The following LRRC1 variants were observed in gnomAD, a reference collection of about 807,000 sequenced individuals.
The protein encoded by LRRC1 is leucine-rich repeat-containing protein 1.
In LRRC1, 28 loss-of-function variants were observed where a neutral mutation model predicts 69.9. The observed-to-expected ratio is 0.40, with a 90% confidence interval of 0.30 to 0.55. The LOEUF (loss-of-function observed/expected upper bound fraction) is 0.55. Ranked by LOEUF, LRRC1 falls within the 20% of genes least tolerant of loss-of-function variation. The pLI is 0.47. For missense variants in LRRC1, 498 were observed against 609.0 expected, an observed-to-expected ratio of 0.82 and a Z score of 1.92; for synonymous variants, 236 against 240.2, an observed-to-expected ratio of 0.98 and a Z score of 0.16.
At chr6:53,894,888 C>T (rs1431008231) in intron 4 of LRRC1, among the ~76,000 whole-genome samples, 2 of 151,734 alleles carry the variant, frequency 1.3e-5, no homozygotes, top group Non-Finnish European at 2.9e-5. Flanking sequence ...ATTTGAAGAA[C>T]GTTGGTGTTA....
chr6:53,806,112 A>G (rs1764629991), intron 1 of LRRC1, among the ~76,000 whole-genome samples: 2 of 152,302 alleles, frequency 1.3e-5, no homozygotes, highest in East Asian at 3.9e-4. Context: ...TGGAGCTAAC[A>G]TTCCTGCAGG....
intron 1 of LRRC1, among the ~76,000 whole-genome samples, chr6:53,824,164 T>C (rs1218813714): frequency 2.0e-5 from 3 of 152,136 alleles, no homozygotes; most frequent in Non-Finnish European, 4.4e-5. Context: ...TGTTATTTTT[T>C]GACTTTTCAA....
At chr6:53,891,477 G>A (rs1405143729) in intron 4 of LRRC1, among the ~76,000 whole-genome samples, 5 of 149,778 alleles carry the variant, frequency 3.3e-5, no homozygotes, top group Non-Finnish European at 5.9e-5. Context: ...AGTGAGGAAA[G>A]CAAAGTGCCA....
chr6:53,897,379 T>C lies in LRRC1; in HGVS notation c.642+20T>C. The C allele has an allele frequency of 6.5e-7, 1 of 1,533,836 alleles. No individual in the cohort carries two copies. The highest frequency in any genetic ancestry group is 9.0e-7 in the Non-Finnish European group (1 of 1,109,280). The stretch of plus-strand genomic sequence containing the variant: ...CCTCAGGTAAGTGGTAATTTCACAG[T>C]GTCTCCCCAAAACATAAAACAGCAA... On this transcript the variant is annotated intron_variant, in intron 7 of 13. Coordinates refer to ENST00000370888, the MANE Select transcript of LRRC1 (RefSeq NM_018214.5).
intron 2 of LRRC1, among the ~76,000 whole-genome samples, chr6:53,851,230 T>C (rs1766123537): frequency 6.6e-6 from 1 of 150,454 alleles, no homozygotes; most frequent in Non-Finnish European, 1.5e-5. Context: ...ATATAAATCA[T>C]ATATATATGA....
In LRRC1 at chr6:53,898,585, T is replaced by C. The variant is rs138524364; in HGVS notation, c.643-1162T>C. ...ATCTCATTTGCTCCTATAGTATAAA[T>C]TTGTGTTAAATCAGCATAAACACAC... On this transcript the variant is annotated intron_variant, in intron 7 of 13. Transcript: ENST00000370888. Among the ~76,000 whole-genome samples, 274 of 152,346 alleles carry C rather than the reference T, an allele frequency of 1.8e-3. 3 individuals carry two copies. The highest frequency in any genetic ancestry group is 6.0e-3 in the African/African-American group (250 of 41,580).
rs373006710 is a variant in LRRC1, at chr6:53,913,891, G to C, written c.1028G>C (p.Arg343Pro). Residue 343 changes from arginine to proline, a missense_variant, in exon 11 of 14, where the codon CGT (arginine) becomes CCT (proline). Arg to Pro is a moderately radical substitution (Grantham distance 103, BLOSUM62 -2). Coordinates refer to ENST00000370888, the MANE Select transcript of LRRC1 (RefSeq NM_018214.5). ...TGCAGCCTCACTGTGTTCTGTGTACGTGACAACAGACTAACTCGGATACCT... is the reference window on the plus strand; with the variant it reads ...TGCAGCCTCACTGTGTTCTGTGTACCTGACAACAGACTAACTCGGATACCT... Reference protein sequence around the residue: ...GCCSLTVFCVRDNRLTRIPAE... With the variant: ...GCCSLTVFCVPDNRLTRIPAE... The C allele has an allele frequency of 6.2e-7, 1 of 1,612,338 alleles. No individual in the cohort carries two copies. Among genetic ancestry groups the C allele is most frequent in the Non-Finnish European group, 8.5e-7 (1 of 1,178,820 alleles).
intron 10 of LRRC1, among the ~76,000 whole-genome samples, chr6:53,909,690 A>G (rs1410009903): frequency 6.6e-6 from 1 of 152,180 alleles, no homozygotes; most frequent in East Asian, 1.9e-4. Context: ...CCAAAGCCAC[A>G]CAATTGCCAA....
intron 2 of LRRC1, among the ~76,000 whole-genome samples, chr6:53,843,858 A>G (rs1366579073): frequency 1.3e-5 from 2 of 151,990 alleles, no homozygotes; most frequent in Admixed American, 6.6e-5. Flanking sequence ...CTCTTTACGT[A>G]CAGTTTGACT....
In LRRC1 at chr6:53,922,727, T is replaced by C. The variant is rs771933613; in HGVS notation, c.1509T>C (p.Ala503=). 2 of 1,614,122 alleles carry C rather than the reference T, an allele frequency of 1.2e-6. No homozygotes were observed. The highest frequency in any genetic ancestry group is 1.7e-6 in the Non-Finnish European group (2 of 1,179,974). The part of the protein sequence containing the change: ...VENLRNDMNA[A]KGLDSNKNEV... Reference sequence around the variant, plus strand: ...ATTTACGGAATGACATGAATGCTGCTAAAGGACTGGACTCAAACAAAAACG... The same window carrying C: ...ATTTACGGAATGACATGAATGCTGCCAAAGGACTGGACTCAAACAAAAACG... The change falls in exon 14 of 14, where the codon GCT becomes GCC. Residue 503 remains alanine (A), a synonymous_variant. Transcript: ENST00000370888.
intron 1 of LRRC1, among the ~76,000 whole-genome samples, chr6:53,838,283 G>A (rs781690475): frequency 6.6e-6 from 1 of 152,140 alleles, no homozygotes; most frequent in Non-Finnish European, 1.5e-5. Flanking sequence ...TTTACATCTG[G>A]CATGTACTTC....
At chr6:53,840,488 C>T (rs746039825) in intron 1 of LRRC1, among the ~76,000 whole-genome samples, 1 of 151,444 alleles carries the variant, frequency 6.6e-6, no homozygotes, top group Non-Finnish European at 1.5e-5. Context: ...TTTTATTGGT[C>T]GCATGGTGGG....
chr6:53,922,901 C>A lies in LRRC1; in HGVS notation c.*108C>A. Reference sequence around the variant, plus strand: ...CCTTGTCCTAACCAGCCCCCGCGCGCCATCTTCCCGTGGAGTGTGGGGAAG... The same window carrying A: ...CCTTGTCCTAACCAGCCCCCGCGCGACATCTTCCCGTGGAGTGTGGGGAAG... On this transcript the variant is annotated 3_prime_UTR_variant, in exon 14 of 14. Transcript: ENST00000370888. 3.7e-6 allele frequency: 4 copies of A among 1,092,344 alleles called. No homozygotes were observed. Among genetic ancestry groups the A allele is most frequent in the Non-Finnish European group, 5.3e-6 (4 of 754,230 alleles). 67.7% of individuals were successfully genotyped at this position (1,092,344 alleles called of 1,614,324 possible). A position where few individuals can be genotyped will look rare whatever the true frequency, so the allele number is the denominator to read the frequency against.
chr6:53,811,884 G>C (rs1432823653), intron 1 of LRRC1, among the ~76,000 whole-genome samples: 1 of 152,256 alleles, frequency 6.6e-6, no homozygotes. Flanking sequence ...TCGTCATGCA[G>C]TGAATGCATA....
chr6:53,900,132 G>A (rs553586354), intron 8 of LRRC1, among the ~76,000 whole-genome samples: 1 of 144,014 alleles, frequency 6.9e-6, no homozygotes, highest in South Asian at 2.2e-4. Flanking sequence ...CCGCCTCCTG[G>A]GTTCACACCA....
chr6:53,815,290 A>G (rs1296748920), intron 1 of LRRC1, among the ~76,000 whole-genome samples: 2 of 151,924 alleles, frequency 1.3e-5, no homozygotes, highest in Non-Finnish European at 2.9e-5. Flanking sequence ...CTAGCCTCTA[A>G]TGGTTATATG....
intron 1 of LRRC1, among the ~76,000 whole-genome samples, chr6:53,803,127 G>A (rs1386180102): frequency 4.6e-5 from 7 of 152,216 alleles, no homozygotes; most frequent in African/African-American, 1.4e-4. Context: ...AGGTACTTGG[G>A]ATTTCCTTAA....
chr6:53,806,857 C>A (rs1046376819), intron 1 of LRRC1, among the ~76,000 whole-genome samples: 11 of 152,220 alleles, frequency 7.2e-5, no homozygotes, highest in African/African-American at 2.7e-4. Context: ...ACACTCACTC[C>A]CTCACCCCCA....
At chr6:53,896,575 A>G (rs537251410) in intron 5 of LRRC1, 21 bp downstream of exon 5, 1 of 1,592,800 alleles carries the variant, frequency 6.3e-7, no homozygotes, top group African/African-American at 1.3e-5. Flanking sequence ...GGGGAAAATA[A>G]GAGGAGATTT....
Sources: allele counts gnomAD v4.1 joint callset (sites outside exome capture counted in the v4.1 genomes callset), GRCh38; gene constraint gnomAD v4.1.1; transcripts MANE v1.5; gene names NCBI Gene and HGNC (gene_info 2026-07-23, HGNC 2026-07-21).